PGS1: variants seen among roughly 807,000 people sequenced by gnomAD.
PGS1 encodes the protein CDP-diacylglycerol--glycerol-3-phosphate 3-phosphatidyltransferase, mitochondrial.
PGS1 carries 44 observed loss-of-function variants against 58.3 expected under a neutral mutation model. The observed-to-expected ratio is 0.75, with a 90% CI of 0.59 to 0.97. The LOEUF is 0.97. PGS1 is among the 50% of genes least tolerant of loss of function. The pLI, the probability that PGS1 is intolerant of heterozygous loss-of-function variation, is 0.00. For synonymous variants in PGS1, 330 were observed against 311.0 expected (o/e 1.06, Z -0.64); for missense variants, 684 against 731.1 (o/e 0.94, Z 0.74).
At chr17:78,421,054 T>C (rs1336240701) in intron 9 of PGS1, 1 of 152,264 alleles carries the variant, frequency 6.6e-6, no homozygotes, top group Non-Finnish European at 1.5e-5. Context: ...CACCTTGTGA[T>C]TGTTTTTTCC....
intron 7 of PGS1, among the ~76,000 whole-genome samples, chr17:78,407,574 C>T (rs1192772729): frequency 6.6e-6 from 1 of 152,228 alleles, no homozygotes; most frequent in Non-Finnish European, 1.5e-5. Flanking sequence ...AAATTCCTGC[C>T]GGTGGCTATG....
intron 1 of PGS1, 43 bp from the exon 2 acceptor site, chr17:78,392,433 G>C: frequency 6.9e-7 from 1 of 1,439,296 alleles, no homozygotes; most frequent in Non-Finnish European, 9.6e-7. Context: ...AGAAGTATTT[G>C]AGGTATTTGA....
intron 9 of PGS1, among the ~76,000 whole-genome samples, chr17:78,423,094 C>G (rs1260463278): frequency 9.1e-6 from 1 of 110,434 alleles, no homozygotes; most frequent in African/African-American, 2.9e-5. Context: ...GTGAAACTCT[C>G]ACTCTCCCTC....
intron 9 of PGS1, among the ~76,000 whole-genome samples, chr17:78,423,141 C>G (rs2086070183): frequency 6.6e-6 from 1 of 152,012 alleles, no homozygotes; most frequent in Admixed American, 6.6e-5. Context: ...TCTTGGTCCC[C>G]CTGGGATCCG....
At position 78,415,035 on chromosome 17, in the gene PGS1, G is replaced by C. The variant is rs754050860; in HGVS notation, c.1551+8G>C. On this transcript the variant is annotated splice_region_variant and intron_variant, in intron 8 of 9. Transcript: ENST00000262764. Reference sequence around the variant, plus strand: ...CAGCAGCAGCTTCACCAGGTTGGTCGCAGCAAGTGGGATTTCCCAGGGCGC... The same window carrying C: ...CAGCAGCAGCTTCACCAGGTTGGTCCCAGCAAGTGGGATTTCCCAGGGCGC... 1 of 1,611,018 alleles carries C rather than the reference G, an allele frequency of 6.2e-7. No individual in the cohort carries two copies. The highest frequency in any genetic ancestry group is 1.1e-5 in the South Asian group (1 of 90,924).
At chr17:78,406,259 A>C (rs2084133150) in intron 7 of PGS1, among the ~76,000 whole-genome samples, 1 of 152,114 alleles carries the variant, frequency 6.6e-6, no homozygotes, top group African/African-American at 2.4e-5. Flanking sequence ...TGGAGCTTGC[A>C]GTGAGCTGAG....
chr17:78,394,086 C>T (rs1231125972), intron 2 of PGS1, among the ~76,000 whole-genome samples: 1 of 138,466 alleles, frequency 7.2e-6, no homozygotes, highest in African/African-American at 2.7e-5. Context: ...GCAGGAGAAT[C>T]GCTTGAACCC....
intron 2 of PGS1, 23 bp downstream of exon 2, chr17:78,392,688 A>C (rs1398677551): frequency 6.2e-7 from 1 of 1,605,210 alleles, no homozygotes; most frequent in South Asian, 1.1e-5. Context: ...TAAAGGAAAG[A>C]AGTTTGAGTT....
chr17:78,411,329 A>C (rs1291770032), intron 7 of PGS1, among the ~76,000 whole-genome samples: 4 of 152,228 alleles, frequency 2.6e-5, no homozygotes, highest in African/African-American at 9.6e-5. Context: ...GGCCTGGATC[A>C]GCCTTCCGCA....
At position 78,403,554 on chromosome 17, in the gene PGS1, C is replaced by G. The variant is rs1461757414; in HGVS notation, c.881-14C>G. On this transcript the variant is annotated splice_polypyrimidine_tract_variant and intron_variant, in intron 6 of 9. Transcript: ENST00000262764. ...ATTTCTCTTCCCTTCACTCTTCTTTCACGTCTTCCCCAGGGGACCGGGCCG... is the reference window on the plus strand; with the variant it reads ...ATTTCTCTTCCCTTCACTCTTCTTTGACGTCTTCCCCAGGGGACCGGGCCG... The G allele has an allele frequency of 6.2e-7, 1 of 1,604,936 alleles. No homozygotes were observed. Among genetic ancestry groups the G allele is most frequent in the Admixed American group, 1.7e-5 (1 of 59,782 alleles).
chr17:78,399,968 G>T (rs1254509710), intron 5 of PGS1: 10 of 257,022 alleles, frequency 3.9e-5, no homozygotes, highest in Non-Finnish European at 7.0e-5. Flanking sequence ...CTCGGCAGTG[G>T]GGCCAGGATT....
intron 4 of PGS1, among the ~76,000 whole-genome samples, chr17:78,398,583 G>C (rs530822152): frequency 6.6e-6 from 1 of 152,352 alleles, no homozygotes; most frequent in African/African-American, 2.4e-5. Flanking sequence ...ATGCCCTGTA[G>C]TCCCACTTGC....
rs147171259 is a variant in PGS1, at chr17:78,379,358, G to A, written c.143+550G>A. 2.5e-4 allele frequency among the ~76,000 whole-genome samples: 38 copies of A among 152,246 alleles called. No individual in the cohort carries two copies. The East Asian group carries it at 7.1e-3, about 29-fold the overall frequency. On this transcript the variant is annotated intron_variant, in intron 1 of 9. Transcript: ENST00000262764. ...GTAACACTCAGGCATGGGAAGAGGA[G>A]CCACTCGAAACACTTTTTACACATT... is the stretch of plus-strand genomic sequence containing the variant.
rs752005037 is a variant in PGS1, at chr17:78,414,933, C to T, written c.1457C>T (p.Ser486Phe). The T allele has an allele frequency of 1.2e-6, 2 of 1,613,982 alleles. No homozygotes were observed. Among genetic ancestry groups the T allele is most frequent in the Admixed American group, 1.7e-5 (1 of 60,008 alleles). ...CTGCCCTGTCTCACGCTGATTGGCT[C>T]TCCTAATTTTGGGTACAGGTCAGTT... ...SSLPCLTLIG[S>F]PNFGYRSVHR... Residue 486 changes from serine (S) to phenylalanine (F), a missense_variant, in exon 8 of 10, where the codon TCT (serine) becomes TTT (phenylalanine). Ser to Phe is a radical substitution (Grantham distance 155). Coordinates refer to ENST00000262764, the MANE Select transcript of PGS1 (RefSeq NM_024419.5).
rs74001303 is a variant in PGS1, at chr17:78,419,439, G to C, written c.1552-107G>C. 5.3e-3 allele frequency: 5,015 copies of C among 954,754 alleles called. 127 individuals carry two copies. The African/African-American group carries it at 0.067, about 13-fold the overall frequency. The allele number at this position is 954,754 out of a possible 1,614,324, so 59.1% of individuals were successfully genotyped here. On this transcript the variant is annotated intron_variant, in intron 8 of 9. Coordinates refer to ENST00000262764, the MANE Select transcript of PGS1 (RefSeq NM_024419.5). ...TCTCTGGGCCAGGTAGACATGGGAA[G>C]TCAGGGTTTTCTGGGCTGGCCTGAG...
chr17:78,422,537 C>CTGGGTGTGTTTGCCTTTTTT, intron 9 of PGS1, among the ~76,000 whole-genome samples: 1 of 152,086 alleles, frequency 6.6e-6, no homozygotes, highest in Non-Finnish European at 1.5e-5. Context: ...CTCACTCTGT[C>CTGGGTGTGTTTGCCTTTTTT]ACCCAGGCTG....
At position 78,424,323 on chromosome 17, in the gene PGS1, C is replaced by T. The variant is rs1214380304; in HGVS notation, c.*273C>T. The T allele has an allele frequency of 6.5e-6, 5 of 774,156 alleles. No individual in the cohort carries two copies. Among genetic ancestry groups the T allele is most frequent in the Non-Finnish European group, 8.0e-6 (4 of 503,094 alleles). The allele number at this position is 774,156 out of a possible 1,614,324, so 48.0% of individuals were successfully genotyped here. ...AAGCAGAGGCCTTCGTAGGTGATGG[C>T]CTGCATGTTGTAACTACCCCGTCCC... On this transcript the variant is annotated 3_prime_UTR_variant, in exon 10 of 10. Coordinates refer to ENST00000262764, the MANE Select transcript of PGS1 (RefSeq NM_024419.5).
rs546330578 is a variant in PGS1 at position 78,403,821 on chromosome 17, C to G, written c.1134C>G (p.Arg378=). 6.2e-7 allele frequency: 1 copy of G among 1,614,106 alleles called. No homozygotes were observed. The change falls in exon 7 of 10, where the codon CGC becomes CGG. Residue 378 remains arginine, a synonymous_variant. Transcript: ENST00000262764. ...AGACCCTGTTGACTGAGGCGGAGCG[C>G]GGGGCAAAGGTCTACCTCACCACTG... ...VTETLLTEAE[R]GAKVYLTTGY...
intron 9 of PGS1, chr17:78,420,131 G>A (rs1182089692): frequency 9.7e-7 from 1 of 1,027,572 alleles, no homozygotes; most frequent in East Asian, 8.8e-5. Flanking sequence ...GCCGGCTGTA[G>A]TGCACAGGGT....
Sources: gnomAD v4.1 joint callset for allele counts (sites outside exome capture counted in the v4.1 genomes callset) on GRCh38, gnomAD v4.1.1 for gene constraint, MANE v1.5 for transcripts, NCBI Gene and HGNC (gene_info 2026-07-23, HGNC 2026-07-21) for gene names.